Variants in KLF12 observed in about 807,000 individuals in gnomAD.
The protein encoded by KLF12 is Krueppel-like factor 12.
KLF12 carries 9 observed loss-of-function variants against 37.8 expected under a neutral mutation model. The ratio of observed to expected loss-of-function variants is 0.24; its 90% CI spans 0.14 to 0.42. The LOEUF (loss-of-function observed/expected upper bound fraction) is 0.42. Ranked by LOEUF, KLF12 falls within the 10% of genes least tolerant of loss-of-function variation. The pLI is 1.00. For synonymous variants in KLF12, 208 were observed against 202.1 expected, an observed-to-expected ratio of 1.03 and a Z score of -0.25; for missense variants, 411 against 516.0, an observed-to-expected ratio of 0.80 and a Z score of 1.97.
At chr13:73,868,037 G>GA (rs1422194401) in intron 3 of KLF12, among the ~76,000 whole-genome samples, 1,749 of 138,268 alleles carry the variant, frequency 0.013, 31 homozygotes, top group African/African-American at 0.043. Flanking sequence ...AAAAAAAAAA[G>GA]AAAAAAAAAA....
chr13:74,293,846 T>C, the KLF12 span, among the ~76,000 whole-genome samples: 3 of 152,332 alleles, frequency 2.0e-5, no homozygotes, highest in Non-Finnish European at 2.9e-5. Context: ...GTAAACGTAA[T>C]ATGAAATAAA....
chr13:73,993,914 C>T (rs1178730760), intron 2 of KLF12, among the ~76,000 whole-genome samples: 1 of 152,178 alleles, frequency 6.6e-6, no homozygotes, highest in African/African-American at 2.4e-5. Context: ...GATCCACATG[C>T]AAATAAGTCC....
intron 3 of KLF12, among the ~76,000 whole-genome samples, chr13:73,939,040 T>G (rs1361166553): frequency 6.6e-6 from 1 of 152,200 alleles, no homozygotes; most frequent in African/African-American, 2.4e-5. Context: ...TCCCTGTTTC[T>G]GCCGCACTAT....
chr13:74,092,355 C>G (rs1461869969), intron 1 of KLF12, among the ~76,000 whole-genome samples: 1 of 149,320 alleles, frequency 6.7e-6, no homozygotes, highest in Admixed American at 6.7e-5. Flanking sequence ...GCAAAGGATA[C>G]TATCAAGAAA....
chr13:73,730,433 T>C (rs1182122031), intron 6 of KLF12, among the ~76,000 whole-genome samples: 1 of 152,178 alleles, frequency 6.6e-6, no homozygotes, highest in East Asian at 1.9e-4. Context: ...ATAGTTTACC[T>C]CCAAGCCTTT....
At chr13:74,233,974 C>A in the KLF12 span, among the ~76,000 whole-genome samples, 1 of 152,232 alleles carries the variant, frequency 6.6e-6, no homozygotes, top group Non-Finnish European at 1.5e-5. Flanking sequence ...ACCAAAATAT[C>A]TACAAGTTCT....
At chr13:73,878,544 G>T (rs1886825749) in intron 3 of KLF12, among the ~76,000 whole-genome samples, 1 of 152,172 alleles carries the variant, frequency 6.6e-6, no homozygotes, top group Admixed American at 6.5e-5. Context: ...TGCTCAGCAT[G>T]CCTCTGCCTT....
At chr13:74,138,338 C>T (rs1005945697), upstream of KLF12, among the ~76,000 whole-genome samples, 5 of 152,150 alleles carry the variant, frequency 3.3e-5, no homozygotes, top group African/African-American at 9.6e-5. Flanking sequence ...GATTTTTTTC[C>T]TAAGGCCGAA....
chr13:73,730,585 G>T (rs1452104320), intron 6 of KLF12, among the ~76,000 whole-genome samples: 2 of 152,118 alleles, frequency 1.3e-5, no homozygotes, highest in African/African-American at 4.8e-5. Context: ...ATAAAGAGAG[G>T]TGTAATGAAG....
At chr13:74,070,633 C>G (rs532627738) in intron 1 of KLF12, among the ~76,000 whole-genome samples, 1 of 152,196 alleles carries the variant, frequency 6.6e-6, no homozygotes, top group South Asian at 2.1e-4. Context: ...ACTAATTGGT[C>G]ATGAAGAAGC....
intron 1 of KLF12, among the ~76,000 whole-genome samples, chr13:74,128,152 T>C (rs1312942153): frequency 2.0e-5 from 3 of 152,238 alleles, no homozygotes; most frequent in African/African-American, 4.8e-5. Context: ...TAAATGTTAA[T>C]AATCAGTAAC....
chr13:73,868,561 T>C (rs979586422), intron 3 of KLF12, among the ~76,000 whole-genome samples: 2 of 151,854 alleles, frequency 1.3e-5, no homozygotes, highest in Non-Finnish European at 2.9e-5. Context: ...CAGCTAATTT[T>C]TGTATTTTTA....
chr13:73,809,149 T>A (rs1369346052), intron 5 of KLF12, among the ~76,000 whole-genome samples: 2 of 152,228 alleles, frequency 1.3e-5, no homozygotes, highest in African/African-American at 4.8e-5. Context: ...GCCATCCTTC[T>A]CAACCTAACT....
chr13:73,936,206 G>A (rs1359369667), intron 3 of KLF12, among the ~76,000 whole-genome samples: 3 of 152,122 alleles, frequency 2.0e-5, no homozygotes, highest in Non-Finnish European at 4.4e-5. Flanking sequence ...ACATCATTCA[G>A]CACTAGATCG....
chr13:74,248,992 C>T, the KLF12 span, among the ~76,000 whole-genome samples: 1 of 151,980 alleles, frequency 6.6e-6, no homozygotes, highest in African/African-American at 2.4e-5. Context: ...AGGTGTGGTT[C>T]TAGAGGAGTG....
At chr13:74,046,880 A>T (rs1893561796) in intron 1 of KLF12, among the ~76,000 whole-genome samples, 1 of 152,222 alleles carries the variant, frequency 6.6e-6, no homozygotes, top group Admixed American at 6.5e-5. Flanking sequence ...GACTTAAAAT[A>T]CCAAATTATA....
chr13:74,007,134 C>A (rs1410376695), intron 1 of KLF12, among the ~76,000 whole-genome samples: 1 of 151,962 alleles, frequency 6.6e-6, no homozygotes, highest in Non-Finnish European at 1.5e-5. Context: ...ATCAACACAG[C>A]CAACTATTTT....
rs946704455 is a variant in KLF12 at position 74,114,159 on chromosome 13, C to T, written c.-32+19580G>A. 1.3e-5 allele frequency among the ~76,000 whole-genome samples: 2 copies of T among 152,118 alleles called. 1 individual carries two copies. The highest frequency in any genetic ancestry group is 2.9e-5 in the Non-Finnish European group (2 of 68,024). On this transcript the variant is annotated intron_variant, in intron 1 of 7. Coordinates refer to ENST00000377669, the MANE Select transcript of KLF12 (RefSeq NM_007249.5). Reference sequence around the variant, plus strand: ...TTGGAATCTACTCCTGGTGAAGATGCTGTGAACACTGATGAACTGCCATGG... The same window carrying T: ...TTGGAATCTACTCCTGGTGAAGATGTTGTGAACACTGATGAACTGCCATGG...
intron 1 of KLF12, among the ~76,000 whole-genome samples, chr13:74,034,815 G>T (rs1398936652): frequency 1.3e-5 from 2 of 152,326 alleles, no homozygotes; most frequent in Admixed American, 6.5e-5. Flanking sequence ...TATAGAAGAG[G>T]ATTTGTCTAA....
Sources: gnomAD v4.1 joint callset for allele counts (sites outside exome capture counted in the v4.1 genomes callset) on GRCh38, gnomAD v4.1.1 for gene constraint, MANE v1.5 for transcripts, NCBI Gene and HGNC (gene_info 2026-07-23, HGNC 2026-07-21) for gene names.